KCNIP1: variants seen among roughly 807,000 people sequenced by gnomAD.
KCNIP1 encodes A-type potassium channel modulatory protein KCNIP1.
Under a neutral mutation model 33.0 loss-of-function variants are expected in KCNIP1, and 18 were observed. The ratio of observed to expected loss-of-function variants is 0.55; its 90% CI spans 0.38 to 0.81. KCNIP1 has a LOEUF of 0.81. Among genes scored for constraint, KCNIP1 ranks in the 30% least tolerant of loss-of-function variants. KCNIP1 has a pLI of 0.00. For missense variants in KCNIP1, 238 were observed against 271.6 expected (o/e 0.88, Z 0.87); for synonymous variants, 93 against 98.3 (o/e 0.95, Z 0.32).
intron 1 of KCNIP1, among the ~76,000 whole-genome samples, chr5:170,481,358 G>A (rs374403225): frequency 1.3e-5 from 2 of 152,036 alleles, no homozygotes; most frequent in South Asian, 2.1e-4. Flanking sequence ...GCCATTTAGG[G>A]GTACAGGAGA....
At chr5:170,408,881 G>A (rs1755107506) in intron 1 of KCNIP1, among the ~76,000 whole-genome samples, 1 of 152,188 alleles carries the variant, frequency 6.6e-6, no homozygotes, top group Admixed American at 6.5e-5. Flanking sequence ...GAAGGAAGGT[G>A]CTGGAGGGAA....
At chr5:170,366,766 T>C (rs1314327647) in intron 1 of KCNIP1, among the ~76,000 whole-genome samples, 2 of 152,216 alleles carry the variant, frequency 1.3e-5, no homozygotes, top group African/African-American at 4.8e-5. Context: ...GAGGGTAGCC[T>C]GGCCCCTCCT....
chr5:170,660,619 T>C (rs1332062123), intron 1 of KCNIP1, among the ~76,000 whole-genome samples: 2 of 152,210 alleles, frequency 1.3e-5, no homozygotes, highest in Non-Finnish European at 2.9e-5. Context: ...AACCCTGGGC[T>C]TAGTGTCTGC....
chr5:170,613,220 G>A lies in KCNIP1; in HGVS notation c.62-105538G>A, dbSNP rs191018996. Among the ~76,000 whole-genome samples, 75 of 152,220 alleles carry A rather than the reference G, an allele frequency of 4.9e-4. No individual in the cohort carries two copies. The East Asian group carries it at 8.3e-3, about 17-fold the overall frequency. On this transcript the variant is annotated intron_variant, in intron 1 of 7. Transcript: ENST00000328939. ...TGGATTCCTCATCTCGCCTCCCACC[G>A]GTTTTGCATGGATCCCTGCCACTAC...
In KCNIP1 at chr5:170,383,329, G is replaced by C; in HGVS notation, c.88+29365G>C. ...AACACTAATCACTGCTTTTGTTTGAGTGCCCACTATCCACTCAGCATCAAG... is the reference window on the plus strand; with the variant it reads ...AACACTAATCACTGCTTTTGTTTGACTGCCCACTATCCACTCAGCATCAAG... On this transcript the variant is annotated intron_variant, in intron 1 of 7. Transcript: ENST00000377360. 5.4e-6 allele frequency: 3 copies of C among 559,382 alleles called. No homozygotes were observed. The South Asian group carries it at 7.0e-5, about 13-fold the overall frequency. 34.7% of individuals were successfully genotyped at this position (559,382 alleles called of 1,614,324 possible).
intron 1 of KCNIP1, among the ~76,000 whole-genome samples, chr5:170,644,611 G>A (rs1031163700): frequency 6.6e-6 from 1 of 152,208 alleles, no homozygotes; most frequent in Non-Finnish European, 1.5e-5. Flanking sequence ...TGGGGACAAG[G>A]GAGGGAGAGA....
chr5:170,353,907 G>T (rs930562572), exon 1 of KCNIP1: 10 of 1,614,096 alleles, frequency 6.2e-6, no homozygotes, highest in Non-Finnish European at 8.5e-6. Flanking sequence ...ATGCAAGCTT[G>T]GGTTCGTGAA....
At chr5:170,379,691 G>A (rs1404229329) in intron 1 of KCNIP1, among the ~76,000 whole-genome samples, 2 of 152,180 alleles carry the variant, frequency 1.3e-5, no homozygotes, top group Non-Finnish European at 2.9e-5. Flanking sequence ...GATCACACCT[G>A]TAATCCTAAC....
chr5:170,718,409 T>A (rs1270396054), intron 1 of KCNIP1, among the ~76,000 whole-genome samples: 1 of 152,220 alleles, frequency 6.6e-6, no homozygotes, highest in Non-Finnish European at 1.5e-5. Flanking sequence ...TGCCTGTGTC[T>A]CTGGAATATT....
chr5:170,439,166 T>C (rs1190635841), intron 1 of KCNIP1, among the ~76,000 whole-genome samples: 3 of 152,212 alleles, frequency 2.0e-5, no homozygotes, highest in Non-Finnish European at 4.4e-5. Flanking sequence ...TAAGGGCTTC[T>C]ATACCCACTT....
At chr5:170,436,531 G>A (rs1755869400) in intron 1 of KCNIP1, among the ~76,000 whole-genome samples, 1 of 152,200 alleles carries the variant, frequency 6.6e-6, no homozygotes, top group Admixed American at 6.5e-5. Flanking sequence ...CGGAAACCCC[G>A]AGAGCTGGCT....
chr5:170,360,412 G>A (rs1459570612), intron 1 of KCNIP1, among the ~76,000 whole-genome samples: 1 of 152,220 alleles, frequency 6.6e-6, no homozygotes, highest in Non-Finnish European at 1.5e-5. Context: ...AAATGGGCCA[G>A]TAATTTCCAT....
intron 1 of KCNIP1, among the ~76,000 whole-genome samples, chr5:170,480,989 A>T (rs1022758053): frequency 1.3e-5 from 2 of 152,194 alleles, no homozygotes; most frequent in Non-Finnish European, 2.9e-5. Flanking sequence ...CCCATATATA[A>T]ATCTGCCATT....
chr5:170,466,355 T>C (rs1270385103), intron 1 of KCNIP1, among the ~76,000 whole-genome samples: 6 of 152,170 alleles, frequency 3.9e-5, no homozygotes, highest in Admixed American at 3.9e-4. Context: ...AGAATGTGGA[T>C]ACGTAGGTTT....
intron 1 of KCNIP1, among the ~76,000 whole-genome samples, chr5:170,497,649 C>T (rs1420340815): frequency 6.6e-6 from 1 of 152,234 alleles, no homozygotes; most frequent in Non-Finnish European, 1.5e-5. Context: ...TGTCCACCCC[C>T]AGACAGCCAT....
intron 1 of KCNIP1, among the ~76,000 whole-genome samples, chr5:170,717,928 C>T (rs1484304071): frequency 6.6e-6 from 1 of 152,218 alleles, no homozygotes; most frequent in East Asian, 1.9e-4. Context: ...CACATTCTGG[C>T]AGGGCCCAAA....
chr5:170,586,934 C>G (rs1758009822), intron 1 of KCNIP1, among the ~76,000 whole-genome samples: 1 of 152,198 alleles, frequency 6.6e-6, no homozygotes, highest in South Asian at 2.1e-4. Flanking sequence ...GATGAGCTCT[C>G]TCTGTCCTCA....
At chr5:170,503,838 G>A (rs377590339), upstream of KCNIP1, among the ~76,000 whole-genome samples, 1 of 151,896 alleles carries the variant, frequency 6.6e-6, no homozygotes, top group Admixed American at 6.5e-5. Context: ...GCCTGGCCCC[G>A]GGTCTGTCTC....
intron 1 of KCNIP1, among the ~76,000 whole-genome samples, chr5:170,689,420 T>C (rs1762648279): frequency 6.6e-6 from 1 of 152,198 alleles, no homozygotes; most frequent in African/African-American, 2.4e-5. Flanking sequence ...ATGAGGAAGA[T>C]ACTACTATAG....
Sources: allele counts gnomAD v4.1 joint callset (sites outside exome capture counted in the v4.1 genomes callset), GRCh38; gene constraint gnomAD v4.1.1; transcripts MANE v1.5; gene names NCBI Gene and HGNC (gene_info 2026-07-23, HGNC 2026-07-21).